PRIM2: variants seen among roughly 807,000 people sequenced by gnomAD.
PRIM2 encodes DNA primase large subunit.
PRIM2 carries 39 observed loss-of-function variants against 67.3 expected under a neutral mutation model. That is an observed-to-expected ratio of 0.58 (90% CI 0.45 to 0.76). The LOEUF is 0.76. Among genes scored for constraint, PRIM2 ranks in the 30% least tolerant of loss-of-function variants. PRIM2 has a pLI of 0.00. For missense variants in PRIM2, 398 were observed against 598.7 expected, an observed-to-expected ratio of 0.66 and a Z score of 3.50; for synonymous variants, 143 against 198.7, an observed-to-expected ratio of 0.72 and a Z score of 2.36.
At chr6:57,423,689 CA>C (rs1322841091) in intron 7 of PRIM2, among the ~76,000 whole-genome samples, 1 of 152,174 alleles carries the variant, frequency 6.6e-6, no homozygotes, top group Non-Finnish European at 1.5e-5. Flanking sequence ...TTGGTATGTG[CA>C]AAGCCAAGGG....
At chr6:57,257,166 G>A in the PRIM2 span, among the ~76,000 whole-genome samples, 49 of 152,184 alleles carry the variant, frequency 3.2e-4, no homozygotes, top group Non-Finnish European at 5.4e-4. Flanking sequence ...AGAGAAAGTT[G>A]AAGCAGGACA....
At chr6:57,408,605 C>A (rs1369221544) in intron 7 of PRIM2, among the ~76,000 whole-genome samples, 1 of 152,070 alleles carries the variant, frequency 6.6e-6, no homozygotes, top group Non-Finnish European at 1.5e-5. Context: ...CTGTTTCTGT[C>A]ATGATAATTT....
At chr6:57,309,832 T>C (rs1390212885), upstream of PRIM2, among the ~76,000 whole-genome samples, 2 of 152,206 alleles carry the variant, frequency 1.3e-5, no homozygotes, top group Non-Finnish European at 2.9e-5. Context: ...CACCTGTTGT[T>C]TCCTGACTTT....
intron 7 of PRIM2, among the ~76,000 whole-genome samples, chr6:57,456,721 C>G (rs1463163773): frequency 1.3e-5 from 2 of 151,958 alleles, no homozygotes; most frequent in Non-Finnish European, 2.9e-5. Flanking sequence ...AACTTCTTTG[C>G]CATGGGTTCG....
chr6:57,608,917 T>G (rs1776615569), intron 12 of PRIM2, among the ~76,000 whole-genome samples: 1 of 152,192 alleles, frequency 6.6e-6, no homozygotes, highest in Admixed American at 6.5e-5. Context: ...TTAAGTTCTC[T>G]TTCCTTTATA....
Position 57,348,803 on chromosome 6 carries a change from A to G in PRIM2, c.459+22758A>G, listed in dbSNP as rs1230402865. ...TCTCTCTGTTGCCAAGCTGAAGTGC[A>G]GTGGCGCGATCTCGGCTCACTGCAA... is the stretch of plus-strand genomic sequence containing the variant. On this transcript the variant is annotated intron_variant, in intron 5 of 13. Coordinates refer to ENST00000615550, the MANE Select transcript of PRIM2 (RefSeq NM_000947.5). Among the ~76,000 whole-genome samples, 3 of 138,858 alleles carry G rather than the reference A, an allele frequency of 2.2e-5. No individual in the cohort carries two copies. The East Asian group carries it at 6.4e-4, about 30-fold the overall frequency. The allele number at this position is 138,858 out of a possible 152,430, so 91.1% of individuals were successfully genotyped here.
chr6:57,403,504 C>T (rs1770784638), intron 7 of PRIM2, among the ~76,000 whole-genome samples: 5 of 151,920 alleles, frequency 3.3e-5, no homozygotes, highest in Admixed American at 3.3e-4. Context: ...CCTCATGGTG[C>T]ATCTGCCATG....
chr6:57,635,207 A>G, intron 13 of PRIM2, among the ~76,000 whole-genome samples: 1 of 152,204 alleles, frequency 6.6e-6, no homozygotes, highest in Admixed American at 6.5e-5. Context: ...GTCATTGCAA[A>G]ACCTCTTGAT....
chr6:57,406,047 T>C (rs1179227568), intron 7 of PRIM2, among the ~76,000 whole-genome samples: 2 of 152,012 alleles, frequency 1.3e-5, no homozygotes, highest in East Asian at 1.9e-4. Context: ...GCACAGAAAA[T>C]AGAGTGATGG....
chr6:57,599,140 G>T, intron 10 of PRIM2, among the ~76,000 whole-genome samples: 1 of 63,944 alleles, frequency 1.6e-5, no homozygotes, highest in Non-Finnish European at 3.0e-5. Context: ...TAGAGACGGG[G>T]TTTCACCGTG....
At chr6:57,282,829 G>A in the PRIM2 span, among the ~76,000 whole-genome samples, 1 of 152,072 alleles carries the variant, frequency 6.6e-6, no homozygotes. Flanking sequence ...AAATTTCTGT[G>A]GTTTAAACTA....
At chr6:57,547,720 T>A (rs1319399449) in intron 10 of PRIM2, among the ~76,000 whole-genome samples, 6 of 152,212 alleles carry the variant, frequency 3.9e-5, no homozygotes, top group Non-Finnish European at 5.9e-5. Flanking sequence ...GTAGCTGTGG[T>A]TTCTGTCCTT....
At chr6:57,270,061 G>C in the PRIM2 span, among the ~76,000 whole-genome samples, 1 of 152,068 alleles carries the variant, frequency 6.6e-6, no homozygotes, top group African/African-American at 2.4e-5. Context: ...AAGTCAGGTA[G>C]CATGATGCCT....
chr6:57,260,377 T>C, the PRIM2 span, among the ~76,000 whole-genome samples: 3 of 152,212 alleles, frequency 2.0e-5, no homozygotes, highest in African/African-American at 7.2e-5. Context: ...CTTTGTAAAT[T>C]GAATTAAATT....
At chr6:57,239,310 C>T in the PRIM2 span, among the ~76,000 whole-genome samples, 2 of 152,162 alleles carry the variant, frequency 1.3e-5, no homozygotes, top group South Asian at 2.1e-4. Context: ...TATTCTGCTA[C>T]ATTGAATTTG....
At chr6:57,508,145 C>G (rs1379249265) in intron 8 of PRIM2, among the ~76,000 whole-genome samples, 1 of 152,102 alleles carries the variant, frequency 6.6e-6, no homozygotes, top group Non-Finnish European at 1.5e-5. Flanking sequence ...CCATATTGGC[C>G]AGACTGGTCT....
chr6:57,453,112 T>C (rs1772616119), intron 7 of PRIM2, among the ~76,000 whole-genome samples: 1 of 152,216 alleles, frequency 6.6e-6, no homozygotes. Flanking sequence ...GCGGCATTAT[T>C]TCTGAGGGCT....
chr6:57,385,925 G>C (rs935014876), intron 7 of PRIM2, among the ~76,000 whole-genome samples: 3 of 147,604 alleles, frequency 2.0e-5, no homozygotes, highest in African/African-American at 7.7e-5. Context: ...TAGGCATTTG[G>C]CTTTTGTTTT....
At chr6:57,280,952 C>G in the PRIM2 span, among the ~76,000 whole-genome samples, 1 of 152,142 alleles carries the variant, frequency 6.6e-6, no homozygotes, top group Admixed American at 6.5e-5. Context: ...CTTCCCCCAT[C>G]CCTCCTGGCC....
Sources: gnomAD v4.1 joint callset for allele counts (sites outside exome capture counted in the v4.1 genomes callset) on GRCh38, gnomAD v4.1.1 for gene constraint, MANE v1.5 for transcripts, NCBI Gene and HGNC (gene_info 2026-07-23, HGNC 2026-07-21) for gene names.